SAMMSON: variants seen among roughly 807,000 people sequenced by gnomAD.
SAMMSON encodes survival associated mitochondrial melanoma specific oncogenic non-coding RNA, also known as long intergenic non-protein coding RNA 1212.
chr3:70,386,160 C>G (rs1212507373), intron 9 of SAMMSON, among the ~76,000 whole-genome samples: 1 of 152,056 alleles, frequency 6.6e-6, no homozygotes, highest in Non-Finnish European at 1.5e-5. Flanking sequence ...AAAATCGCAG[C>G]CTTGTGCTAA....
intron 3 of SAMMSON, among the ~76,000 whole-genome samples, chr3:70,053,812 A>T (rs945467718): frequency 6.6e-6 from 1 of 152,108 alleles, no homozygotes; most frequent in Admixed American, 6.6e-5. Context: ...TGACAGGTGG[A>T]TATACCCACA....
intron 3 of SAMMSON, among the ~76,000 whole-genome samples, chr3:70,041,840 C>T (rs2067107495): frequency 6.6e-6 from 1 of 151,850 alleles, no homozygotes; most frequent in African/African-American, 2.4e-5. Context: ...CAGAGGGATG[C>T]CTGTACTTAT....
intron 4 of SAMMSON, among the ~76,000 whole-genome samples, chr3:70,188,444 G>T (rs565993780): frequency 6.6e-6 from 1 of 152,224 alleles, no homozygotes; most frequent in South Asian, 2.1e-4. Flanking sequence ...TGCTAATCTT[G>T]GGAGAAAAGT....
intron 3 of SAMMSON, among the ~76,000 whole-genome samples, chr3:70,016,761 G>T (rs1184774355): frequency 1.3e-5 from 2 of 152,092 alleles, no homozygotes; most frequent in Non-Finnish European, 2.9e-5. Flanking sequence ...ATTAATTTTT[G>T]TATAAGGTGT....
intron 1 of SAMMSON, among the ~76,000 whole-genome samples, chr3:70,011,171 A>G (rs1412211706): frequency 6.6e-6 from 1 of 152,144 alleles, no homozygotes; most frequent in African/African-American, 2.4e-5. Context: ...TCTGAGGTGC[A>G]TGCTATCATC....
At chr3:70,090,405 A>G (rs1278227592) in intron 4 of SAMMSON, among the ~76,000 whole-genome samples, 1 of 152,174 alleles carries the variant, frequency 6.6e-6, no homozygotes, top group African/African-American at 2.4e-5. Context: ...GAACAACTGT[A>G]TCTCAAGACA....
intron 2 of SAMMSON, among the ~76,000 whole-genome samples, chr3:70,427,836 GTTAA>G (rs1379445315): frequency 6.6e-6 from 1 of 151,828 alleles, no homozygotes. Flanking sequence ...TGCTTTCAGT[GTTAA>G]TTAACTTCAA....
chr3:70,065,779 A>C (rs916985640), intron 3 of SAMMSON, among the ~76,000 whole-genome samples: 1 of 152,092 alleles, frequency 6.6e-6, no homozygotes, highest in African/African-American at 2.4e-5. Context: ...ACAATAAAAA[A>C]TTGGCCCCAA....
intron 7 of SAMMSON, among the ~76,000 whole-genome samples, chr3:70,334,483 T>C (rs533851762): frequency 3.6e-4 from 55 of 152,010 alleles, no homozygotes; most frequent in African/African-American, 1.1e-3. Context: ...CTAGTAGGGA[T>C]TTAAATGAGA....
intron 7 of SAMMSON, among the ~76,000 whole-genome samples, chr3:70,345,700 GT>G (rs1702744633): frequency 6.6e-6 from 1 of 151,986 alleles, no homozygotes; most frequent in African/African-American, 2.4e-5. Flanking sequence ...CATTTCCATT[GT>G]TTTGCCTATT....
chr3:70,425,112 T>TATACTATGTGTCGCTTG (rs1701348432), intron 2 of SAMMSON: 1 of 152,152 alleles, frequency 6.6e-6, no homozygotes, highest in African/African-American at 2.4e-5. Flanking sequence ...AACAGGGCAC[T>TATACTATGTGTCGCTTG]ATACTATGTG....
At chr3:70,138,752 G>C (rs1233474868) in intron 4 of SAMMSON, among the ~76,000 whole-genome samples, 1 of 152,198 alleles carries the variant, frequency 6.6e-6, no homozygotes, top group Non-Finnish European at 1.5e-5. Context: ...TTAGGTATGA[G>C]TGAGACTCAA....
chr3:70,085,761 C>G (rs1314260929), intron 4 of SAMMSON, among the ~76,000 whole-genome samples: 2 of 152,124 alleles, frequency 1.3e-5, no homozygotes, highest in Non-Finnish European at 2.9e-5. Context: ...CTTACAAACT[C>G]TACATTGCAG....
At chr3:70,369,874 A>G (rs1702952483) in intron 9 of SAMMSON, among the ~76,000 whole-genome samples, 1 of 151,864 alleles carries the variant, frequency 6.6e-6, no homozygotes, top group Admixed American at 6.6e-5. Flanking sequence ...GTTATGAACT[A>G]TATTTATAAT....
At chr3:70,223,894 G>T (rs1222403215) in intron 4 of SAMMSON, among the ~76,000 whole-genome samples, 2 of 151,730 alleles carry the variant, frequency 1.3e-5, no homozygotes, top group African/African-American at 4.8e-5. Flanking sequence ...CTCTTACTCT[G>T]CTTCATCAAT....
chr3:70,283,264 C>T (rs1179622160), intron 6 of SAMMSON, among the ~76,000 whole-genome samples: 1 of 151,998 alleles, frequency 6.6e-6, no homozygotes, highest in African/African-American at 2.4e-5. Flanking sequence ...CTCATGCAGT[C>T]CTCTGATTGA....
chr3:70,157,010 C>G (rs1266622602), intron 4 of SAMMSON, among the ~76,000 whole-genome samples: 1 of 152,038 alleles, frequency 6.6e-6, no homozygotes, highest in African/African-American at 2.4e-5. Flanking sequence ...TTTGCTGAGT[C>G]AATATCTACT....
At chr3:70,088,855 T>C (rs780135353) in intron 4 of SAMMSON, among the ~76,000 whole-genome samples, 1 of 152,126 alleles carries the variant, frequency 6.6e-6, no homozygotes, top group Non-Finnish European at 1.5e-5. Context: ...GATAAGAAAA[T>C]ATGTTATCCC....
chr3:70,109,384 C>G (rs182513370), intron 4 of SAMMSON, among the ~76,000 whole-genome samples: 15 of 152,220 alleles, frequency 9.9e-5, no homozygotes, highest in Admixed American at 7.2e-4. Flanking sequence ...TCCATCCCGG[C>G]TACAATTCCT....
Sources: allele counts gnomAD v4.1 joint callset (sites outside exome capture counted in the v4.1 genomes callset), GRCh38; gene constraint gnomAD v4.1.1; transcripts MANE v1.5; gene names NCBI Gene and HGNC (gene_info 2026-07-23, HGNC 2026-07-21).